The following KCNIP4 variants were observed in gnomAD, a reference collection of about 807,000 sequenced individuals.
KCNIP4 encodes the protein potassium voltage-gated channel interacting protein 4, also known as Kv channel-interacting protein 4.
In KCNIP4, 12 loss-of-function variants were observed where a neutral mutation model predicts 34.0. The observed-to-expected ratio is 0.35, with a 90% CI of 0.23 to 0.57. The LOEUF (loss-of-function observed/expected upper bound fraction) is 0.57, where lower values mean the gene tolerates loss of function less well. KCNIP4 is among the 20% of genes least tolerant of loss of function. The pLI is 0.83. For missense variants in KCNIP4, 238 were observed against 311.7 expected (o/e 0.76, Z 1.78); for synonymous variants, 124 against 102.2 (o/e 1.21, Z -1.29).
intron 3 of KCNIP4, among the ~76,000 whole-genome samples, chr4:20,800,918 C>T (rs1714145389): frequency 6.6e-6 from 1 of 152,164 alleles, no homozygotes; most frequent in Non-Finnish European, 1.5e-5. Context: ...TATGGACATT[C>T]AGATTCACTT....
At chr4:20,788,487 C>T (rs185092658) in intron 3 of KCNIP4, among the ~76,000 whole-genome samples, 1 of 152,242 alleles carries the variant, frequency 6.6e-6, no homozygotes, top group East Asian at 1.9e-4. Flanking sequence ...AGAGAACACA[C>T]AGGGCTCAGG....
chr4:21,324,913 T>A (rs1714878833), intron 1 of KCNIP4, among the ~76,000 whole-genome samples: 1 of 151,988 alleles, frequency 6.6e-6, no homozygotes, highest in Admixed American at 6.6e-5. Context: ...TTCCATTTTT[T>A]ATGTTCTTTT....
chr4:21,670,977 TA>T (rs71191530), intron 1 of KCNIP4, among the ~76,000 whole-genome samples: 25,986 of 150,280 alleles, frequency 0.17, 2,459 homozygotes, highest in South Asian at 0.24. Flanking sequence ...TTTTTTTTTT[TA>T]AATTAATAAC....
At chr4:21,668,844 C>T (rs999721303) in intron 1 of KCNIP4, among the ~76,000 whole-genome samples, 2 of 152,130 alleles carry the variant, frequency 1.3e-5, no homozygotes. Flanking sequence ...TTTATATCTA[C>T]ATACAGTTGA....
At position 20,931,937 on chromosome 4, in the gene KCNIP4, C is replaced by A. The variant is rs1029916092; in HGVS notation, c.62-49228G>T. On this transcript the variant is annotated intron_variant, in intron 1 of 8. Transcript: ENST00000382152. ...GTCTATAACAGTCTAATATTGTAGA[C>A]TATAATAGTCTATAACAGTCTAATA... Among the ~76,000 whole-genome samples the A allele has an allele frequency of 9.6e-5, 13 of 135,802 alleles. 1 individual carries two copies. The highest frequency in any genetic ancestry group is 1.1e-4 in the African/African-American group (4 of 36,082). 89.1% of individuals were successfully genotyped at this position (135,802 alleles called of 152,430 possible). A position where few individuals can be genotyped will look rare whatever the true frequency, so the allele number is the denominator to read the frequency against.
intron 1 of KCNIP4, among the ~76,000 whole-genome samples, chr4:21,512,200 C>T (rs58512698): frequency 2.8e-5 from 1 of 36,110 alleles, no homozygotes; most frequent in East Asian, 1.0e-3. Context: ...AAGGAACGAA[C>T]GAAGGAAGGA....
At chr4:21,690,749 A>G (rs1252497243) in intron 1 of KCNIP4, among the ~76,000 whole-genome samples, 1 of 152,196 alleles carries the variant, frequency 6.6e-6, no homozygotes, top group Non-Finnish European at 1.5e-5. Context: ...ACAAACACAA[A>G]CCATAGCCGT....
chr4:21,284,015 C>G (rs1337529243), intron 1 of KCNIP4, among the ~76,000 whole-genome samples: 1 of 151,846 alleles, frequency 6.6e-6, no homozygotes, highest in African/African-American at 2.4e-5. Flanking sequence ...AGATTGAGAC[C>G]ATGCTGGCTA....
chr4:20,902,602 C>G (rs781398619), intron 1 of KCNIP4, among the ~76,000 whole-genome samples: 18 of 152,252 alleles, frequency 1.2e-4, no homozygotes, highest in Non-Finnish European at 2.5e-4. Flanking sequence ...TCACTGCAAC[C>G]ACCACCTCCC....
At chr4:20,874,069 C>T (rs967228582) in intron 2 of KCNIP4, among the ~76,000 whole-genome samples, 1 of 152,142 alleles carries the variant, frequency 6.6e-6, no homozygotes, top group Non-Finnish European at 1.5e-5. Flanking sequence ...GCAAAAACAG[C>T]CAACATTTAG....
intron 1 of KCNIP4, among the ~76,000 whole-genome samples, chr4:21,792,881 T>C (rs1279813845): frequency 1.3e-5 from 2 of 152,224 alleles, no homozygotes; most frequent in African/African-American, 4.8e-5. Flanking sequence ...ATACCAAACC[T>C]AGAAAACTAC....
At chr4:21,049,822 G>A (rs1742771315) in intron 1 of KCNIP4, among the ~76,000 whole-genome samples, 1 of 152,218 alleles carries the variant, frequency 6.6e-6, no homozygotes, top group South Asian at 2.1e-4. Flanking sequence ...GTCAAAGAGA[G>A]TGATGTTCTT....
chr4:21,906,168 G>T (rs1230860160), intron 1 of KCNIP4, among the ~76,000 whole-genome samples: 1 of 152,162 alleles, frequency 6.6e-6, no homozygotes, highest in Non-Finnish European at 1.5e-5. Flanking sequence ...CCTAGTTGTG[G>T]TAATGTGATA....
At chr4:20,950,131 T>TAAAA (rs57425716) in intron 1 of KCNIP4, among the ~76,000 whole-genome samples, 4 of 137,716 alleles carry the variant, frequency 2.9e-5, no homozygotes, top group East Asian at 2.2e-4. Flanking sequence ...TTTTTTAAAT[T>TAAAA]AAAAAAAAAA....
intron 1 of KCNIP4, among the ~76,000 whole-genome samples, chr4:21,097,146 A>C (rs78024828): frequency 1.3e-5 from 2 of 152,310 alleles, no homozygotes; most frequent in Non-Finnish European, 1.5e-5. Flanking sequence ...ATGTACAGAG[A>C]TGTTCATAGC....
chr4:21,452,516 G>A (rs1728596560), intron 1 of KCNIP4, among the ~76,000 whole-genome samples: 1 of 152,040 alleles, frequency 6.6e-6, no homozygotes, highest in Non-Finnish European at 1.5e-5. Context: ...CCTGAATGGA[G>A]ATAATAACAC....
chr4:21,911,148 T>C (rs1728284350), intron 1 of KCNIP4, among the ~76,000 whole-genome samples: 2 of 152,084 alleles, frequency 1.3e-5, no homozygotes, highest in South Asian at 4.1e-4. Flanking sequence ...AAGTCCTCTT[T>C]ACAAAAAAGG....
intron 1 of KCNIP4, among the ~76,000 whole-genome samples, chr4:21,236,451 T>C (rs1167622057): frequency 6.6e-6 from 1 of 152,192 alleles, no homozygotes; most frequent in African/African-American, 2.4e-5. Context: ...AATGAATGAA[T>C]GGAAATGCAA....
chr4:21,613,955 C>G (rs1744381748), intron 1 of KCNIP4, among the ~76,000 whole-genome samples: 1 of 146,030 alleles, frequency 6.8e-6, no homozygotes, highest in Non-Finnish European at 1.5e-5. Context: ...GCAGCCTGGC[C>G]AAATGGTGAA....
Sources: allele counts gnomAD v4.1 joint callset (sites outside exome capture counted in the v4.1 genomes callset), GRCh38; gene constraint gnomAD v4.1.1; transcripts MANE v1.5; gene names NCBI Gene and HGNC (gene_info 2026-07-23, HGNC 2026-07-21).